STK10: variants seen among roughly 807,000 people sequenced by gnomAD.
STK10 encodes serine/threonine kinase 10.
Under a neutral mutation model 113.8 loss-of-function variants are expected in STK10, and 78 were observed. That is an observed-to-expected ratio of 0.69 (90% CI 0.57 to 0.83). STK10 has a LOEUF of 0.83. STK10 is among the 40% of genes least tolerant of loss of function. The pLI, the probability that STK10 is intolerant of heterozygous loss-of-function variation, is 0.00. For missense variants in STK10, 1,109 were observed against 1,280.1 expected (o/e 0.87, Z 2.04); for synonymous variants, 465 against 494.7 (o/e 0.94, Z 0.80).
intron 13 of STK10, chr5:172,064,503 C>T (rs2113706664): frequency 3.3e-6 from 2 of 597,498 alleles, no homozygotes; most frequent in Non-Finnish European, 6.0e-6. Context: ...TTGGGGTATC[C>T]AGAGATGGAA....
At chr5:172,083,916 C>CAAA (rs1208927534) in intron 10 of STK10, among the ~76,000 whole-genome samples, 3 of 38,450 alleles carry the variant, frequency 7.8e-5, no homozygotes, top group African/African-American at 2.3e-4. Flanking sequence ...CTCAACAACA[C>CAAA]AAAAAAAAGA....
chr5:172,057,250 A>G, intron 15 of STK10, 99 bp downstream of exon 15: 1 of 1,501,358 alleles, frequency 6.7e-7, no homozygotes. Context: ...CTTGTCATCC[A>G]AAGTGTGCAC....
intron 1 of STK10, among the ~76,000 whole-genome samples, chr5:172,179,895 T>C (rs527663435): frequency 4.6e-5 from 7 of 152,200 alleles, no homozygotes; most frequent in Admixed American, 3.9e-4. Flanking sequence ...CAAGACGGCC[T>C]GGGAGGGCTC....
At chr5:172,062,911 A>G (rs1767966751) in intron 13 of STK10, among the ~76,000 whole-genome samples, 1 of 152,230 alleles carries the variant, frequency 6.6e-6, no homozygotes, top group Non-Finnish European at 1.5e-5. Flanking sequence ...TGACTATTTT[A>G]CCACAATTTT....
chr5:172,055,465 C>T (rs1314554779), intron 16 of STK10, 123 bp downstream of exon 16: 6 of 1,064,280 alleles, frequency 5.6e-6, no homozygotes, highest in East Asian at 3.2e-5. Context: ...GTTGGGATTA[C>T]AGACGTGAGC....
chr5:172,067,108 C>G (rs1768088121), intron 12 of STK10, among the ~76,000 whole-genome samples: 1 of 152,158 alleles, frequency 6.6e-6, no homozygotes, highest in African/African-American at 2.4e-5. Flanking sequence ...AATCCCAGCA[C>G]TTTGGGAGGC....
intron 1 of STK10, among the ~76,000 whole-genome samples, chr5:172,182,113 G>A (rs1382136717): frequency 6.6e-6 from 1 of 151,724 alleles, no homozygotes; most frequent in Non-Finnish European, 1.5e-5. Flanking sequence ...GACCAGCCTG[G>A]CCAGCATGGT....
chr5:172,088,273 T>G (rs1768615930), intron 10 of STK10, among the ~76,000 whole-genome samples: 1 of 151,862 alleles, frequency 6.6e-6, no homozygotes, highest in Non-Finnish European at 1.5e-5. Context: ...CATCTGTAAT[T>G]CCAGCACTTT....
intron 7 of STK10, among the ~76,000 whole-genome samples, chr5:172,097,726 T>C (rs1395455879): frequency 6.6e-6 from 1 of 152,194 alleles, no homozygotes; most frequent in Non-Finnish European, 1.5e-5. Flanking sequence ...GACATTCTCG[T>C]ATATGTCTTT....
intron 7 of STK10, 44 bp from the exon 8 acceptor site, chr5:172,096,604 A>C: frequency 3.1e-6 from 5 of 1,602,464 alleles, no homozygotes; most frequent in Non-Finnish European, 4.3e-6. Context: ...CTCTGGGGTC[A>C]CGGTGGGGTG....
intron 12 of STK10, among the ~76,000 whole-genome samples, chr5:172,071,730 C>T (rs574944461): frequency 3.3e-5 from 5 of 152,210 alleles, no homozygotes; most frequent in African/African-American, 1.2e-4. Context: ...CTCCCTAGTG[C>T]CAGTCTTTGC....
chr5:172,160,199 T>C (rs1163942041), intron 1 of STK10, among the ~76,000 whole-genome samples: 1 of 144,796 alleles, frequency 6.9e-6, no homozygotes, highest in Non-Finnish European at 1.5e-5. Context: ...CCTAGCCAGG[T>C]GCGGTGGTTC....
At chr5:172,145,656 A>G (rs1770070119) in intron 2 of STK10, among the ~76,000 whole-genome samples, 1 of 152,210 alleles carries the variant, frequency 6.6e-6, no homozygotes, top group Non-Finnish European at 1.5e-5. Flanking sequence ...AGCCAGACAC[A>G]CCTGGGTCCC....
chr5:172,156,206 C>T (rs963451859), intron 2 of STK10, among the ~76,000 whole-genome samples: 6 of 152,148 alleles, frequency 3.9e-5, no homozygotes, highest in Admixed American at 2.0e-4. Flanking sequence ...CAATACTTAC[C>T]GGGCTCTTAC....
At chr5:172,064,076 A>T (rs1374784243) in intron 13 of STK10, among the ~76,000 whole-genome samples, 1 of 152,096 alleles carries the variant, frequency 6.6e-6, no homozygotes, top group Non-Finnish European at 1.5e-5. Flanking sequence ...TCAGACTTGG[A>T]ATTCACATTG....
intron 10 of STK10, among the ~76,000 whole-genome samples, chr5:172,084,972 T>G (rs1053897128): frequency 2.6e-5 from 4 of 151,990 alleles, no homozygotes; most frequent in Non-Finnish European, 5.9e-5. Context: ...AGGCCATGCG[T>G]GGTGGCCCAT....
At position 172,093,404 on chromosome 5, in the gene STK10, G is replaced by T. The variant is rs71607593; in HGVS notation, c.1554+8C>A. ...GCTGCAAGCCCGTGGTGGCAGAGGCGGTGTTACCTTGATGGACAGAGAGCC... is the reference window on the plus strand; with the variant it reads ...GCTGCAAGCCCGTGGTGGCAGAGGCTGTGTTACCTTGATGGACAGAGAGCC... On this transcript the variant is annotated splice_region_variant and intron_variant, in intron 9 of 18. Coordinates refer to ENST00000176763, the MANE Select transcript of STK10 (RefSeq NM_005990.4). The surrounding 1 kb of genome is among the most constrained non-coding windows in gnomAD (Gnocchi z 4.1). 7 of 1,577,542 alleles carry T rather than the reference G, an allele frequency of 4.4e-6. No individual in the cohort carries two copies. The South Asian group carries it at 7.9e-5, about 18-fold the overall frequency.
chr5:172,059,582 C>G (rs1287446340), intron 14 of STK10, among the ~76,000 whole-genome samples: 1 of 152,158 alleles, frequency 6.6e-6, no homozygotes, highest in Non-Finnish European at 1.5e-5. Flanking sequence ...CCCCAAGCCA[C>G]CGTTGCCCTT....
At chr5:172,148,952 G>A (rs1770147901) in intron 2 of STK10, among the ~76,000 whole-genome samples, 1 of 152,242 alleles carries the variant, frequency 6.6e-6, no homozygotes, top group African/African-American at 2.4e-5. Flanking sequence ...TTGGGAGGCG[G>A]AGGGAGGCAA....
Sources: allele counts gnomAD v4.1 joint callset (sites outside exome capture counted in the v4.1 genomes callset), GRCh38; gene constraint gnomAD v4.1.1; non-coding constraint Gnocchi (gnomAD v3.1); transcripts MANE v1.5; gene names NCBI Gene and HGNC (gene_info 2026-07-23, HGNC 2026-07-21).